SEMA3C: variants seen among roughly 807,000 people sequenced by gnomAD.
The protein encoded by SEMA3C is semaphorin-3C.
A neutral mutation model predicts 89.4 loss-of-function variants in SEMA3C; 47 were observed. The observed-to-expected ratio is 0.53, with a 90% CI of 0.42 to 0.67. The LOEUF (loss-of-function observed/expected upper bound fraction) is 0.67. SEMA3C is among the 30% of genes least tolerant of loss of function. The pLI is 0.00. For synonymous variants in SEMA3C, 310 were observed against 320.2 expected (o/e 0.97, Z 0.34); for missense variants, 839 against 929.1 (o/e 0.90, Z 1.26).
At chr7:80,760,992 G>A (rs1253894476) in intron 14 of SEMA3C, among the ~76,000 whole-genome samples, 1 of 152,112 alleles carries the variant, frequency 6.6e-6, no homozygotes, top group African/African-American at 2.4e-5. Context: ...TATTGGAATT[G>A]TACTTTTTAT....
intron 12 of SEMA3C, among the ~76,000 whole-genome samples, chr7:80,788,585 C>G (rs574185788): frequency 6.6e-6 from 1 of 152,282 alleles, no homozygotes; most frequent in East Asian, 1.9e-4. Context: ...CTATAACATA[C>G]AATGCTAGTT....
chr7:80,775,254 A>T (rs1327672622), intron 12 of SEMA3C, among the ~76,000 whole-genome samples: 1 of 152,126 alleles, frequency 6.6e-6, no homozygotes, highest in Admixed American at 6.5e-5. Context: ...CTCCAAAAGG[A>T]ATGAGAACCC....
chr7:80,839,900 C>T (rs1334373334), intron 2 of SEMA3C, among the ~76,000 whole-genome samples: 2 of 151,982 alleles, frequency 1.3e-5, no homozygotes, highest in African/African-American at 4.8e-5. Flanking sequence ...ACTAGTCTTT[C>T]ACAAAATTTA....
At chr7:80,891,999 C>A (rs946390271) in intron 2 of SEMA3C, among the ~76,000 whole-genome samples, 1 of 152,118 alleles carries the variant, frequency 6.6e-6, no homozygotes, top group African/African-American at 2.4e-5. Flanking sequence ...AGGATACTAT[C>A]TTCCCCAAAA....
At chr7:80,763,194 A>C (rs536883200) in intron 13 of SEMA3C, among the ~76,000 whole-genome samples, 1 of 152,340 alleles carries the variant, frequency 6.6e-6, no homozygotes, top group East Asian at 1.9e-4. Context: ...ACTGTATAAA[A>C]ACAAAGCTCC....
chr7:80,827,856 C>T (rs903752485), intron 3 of SEMA3C, among the ~76,000 whole-genome samples: 4 of 152,098 alleles, frequency 2.6e-5, no homozygotes, highest in Non-Finnish European at 5.9e-5. Flanking sequence ...ATATCTTTCT[C>T]AGTTAGTATT....
At chr7:80,770,229 G>A (rs1220446071) in intron 12 of SEMA3C, among the ~76,000 whole-genome samples, 2 of 152,202 alleles carry the variant, frequency 1.3e-5, no homozygotes, top group Non-Finnish European at 2.9e-5. Context: ...GTTAGTCATT[G>A]AGAGACAGGC....
chr7:80,888,766 A>G (rs1022735657), intron 2 of SEMA3C, among the ~76,000 whole-genome samples: 2 of 152,192 alleles, frequency 1.3e-5, no homozygotes, highest in Admixed American at 1.3e-4. Flanking sequence ...AACCACAATA[A>G]CAAAAAAATA....
At chr7:80,817,007 C>T (rs1475808737) in intron 5 of SEMA3C, among the ~76,000 whole-genome samples, 1 of 152,212 alleles carries the variant, frequency 6.6e-6, no homozygotes, top group East Asian at 1.9e-4. Flanking sequence ...TGACAGATTG[C>T]AGACGTCTAA....
chr7:80,897,810 T>G (rs1375145217), intron 2 of SEMA3C, among the ~76,000 whole-genome samples: 1 of 152,218 alleles, frequency 6.6e-6, no homozygotes, highest in African/African-American at 2.4e-5. Flanking sequence ...TTTACTTTGT[T>G]GTGAAGTGTC....
At chr7:80,912,618 T>C (rs112545934) in intron 2 of SEMA3C, among the ~76,000 whole-genome samples, 4 of 152,180 alleles carry the variant, frequency 2.6e-5, no homozygotes, top group East Asian at 1.9e-4. Flanking sequence ...AAAACACTCA[T>C]GTGTGCTTCA....
chr7:80,786,132 G>C (rs1004724152), intron 12 of SEMA3C, among the ~76,000 whole-genome samples: 1 of 152,212 alleles, frequency 6.6e-6, no homozygotes, highest in Non-Finnish European at 1.5e-5. Context: ...GCAATCATCA[G>C]TGCAGCTTCC....
chr7:80,749,005 C>T lies in SEMA3C; in HGVS notation c.1735G>A (p.Val579Ile), dbSNP rs779676175. Residue 579 changes from valine (V) to isoleucine (I), a missense_variant, in exon 17 of 18, where the codon GTC becomes ATC. Physicochemically the swap from Val to Ile is conservative, Grantham distance 29. Transcript: ENST00000265361. The part of the protein sequence containing the change: ...LKAYRNAAEI[V>I]QYGVKNNTTF... ...GTGTTATTTTTTACTCCATACTGGA[C>T]AATTTCAGCTGCATTTCTGTATGCT... 41 of 1,607,852 alleles carry T rather than the reference C, an allele frequency of 2.5e-5. No individual in the cohort carries two copies. In the South Asian group the frequency reaches 4.2e-4, roughly 17 times the overall value.
chr7:80,817,978 C>T (rs1260068237), intron 5 of SEMA3C, among the ~76,000 whole-genome samples: 1 of 151,718 alleles, frequency 6.6e-6, no homozygotes, highest in Admixed American at 6.6e-5. Context: ...TCATCTTTTA[C>T]AGCTTTACAA....
chr7:80,824,771 C>G (rs1789832758), intron 4 of SEMA3C, among the ~76,000 whole-genome samples: 1 of 152,148 alleles, frequency 6.6e-6, no homozygotes, highest in South Asian at 2.1e-4. Context: ...TTCTCACTTT[C>G]TTAGTAATGC....
intron 17 of SEMA3C, among the ~76,000 whole-genome samples, chr7:80,746,718 G>GGTGGGTGTGTGTGTGTGTGTGT (rs1554357890): frequency 7.0e-6 from 1 of 142,930 alleles, no homozygotes; most frequent in Non-Finnish European, 1.5e-5. Context: ...ATTGAAGTGG[G>GGTGGGTGTGTGTGTGTGTGTGT]GTGTGTGTGT....
chr7:80,879,559 G>A (rs1334395056), intron 2 of SEMA3C, among the ~76,000 whole-genome samples: 1 of 152,094 alleles, frequency 6.6e-6, no homozygotes, highest in African/African-American at 2.4e-5. Context: ...TTCAGTCCAT[G>A]CATTCAGTTA....
At chr7:80,891,497 C>A in intron 2 of SEMA3C, among the ~76,000 whole-genome samples, 1 of 151,242 alleles carries the variant, frequency 6.6e-6, no homozygotes. Flanking sequence ...TTGAAATATA[C>A]ATGGAGGGAT....
intron 2 of SEMA3C, among the ~76,000 whole-genome samples, chr7:80,901,339 G>T (rs1303186368): frequency 6.6e-6 from 1 of 152,072 alleles, no homozygotes; most frequent in Non-Finnish European, 1.5e-5. Context: ...TTTCCATTAG[G>T]CAAAACAATT....
Sources: gnomAD v4.1 joint callset for allele counts (sites outside exome capture counted in the v4.1 genomes callset) on GRCh38, gnomAD v4.1.1 for gene constraint, MANE v1.5 for transcripts, NCBI Gene and HGNC (gene_info 2026-07-23, HGNC 2026-07-21) for gene names.